PIGN: variants seen among roughly 807,000 people sequenced by gnomAD.
The protein encoded by PIGN is GPI ethanolamine phosphate transferase 1.
A neutral mutation model predicts 125.4 loss-of-function variants in PIGN; 117 were observed. That is an observed-to-expected ratio of 0.93 (90% CI 0.80 to 1.09). The LOEUF (loss-of-function observed/expected upper bound fraction) is 1.09, where lower values mean the gene tolerates loss of function less well. Ranked by LOEUF, PIGN falls within the 50% of genes least tolerant of loss-of-function variation. PIGN has a pLI of 0.00. For missense variants in PIGN, 1,075 were observed against 1,094.9 expected (o/e 0.98, Z 0.26); for synonymous variants, 392 against 377.8 (o/e 1.04, Z -0.44).
intron 14 of PIGN, among the ~76,000 whole-genome samples, chr18:62,125,543 C>A (rs1030410415): frequency 2.0e-5 from 3 of 151,902 alleles, no homozygotes; most frequent in Non-Finnish European, 4.4e-5. Flanking sequence ...CTGTATCACA[C>A]GATGGAACTG....
chr18:62,175,095 T>C (rs1016947915), intron 1 of PIGN, among the ~76,000 whole-genome samples: 1 of 144,968 alleles, frequency 6.9e-6, no homozygotes, highest in Admixed American at 7.1e-5. Context: ...ATCTAATATA[T>C]ATAATGTTTA....
intron 23 of PIGN, among the ~76,000 whole-genome samples, chr18:62,092,039 C>T (rs181745113): frequency 6.6e-5 from 10 of 152,062 alleles, no homozygotes; most frequent in Non-Finnish European, 1.3e-4. Flanking sequence ...ACTTTAAACG[C>T]TATTACAAAT....
At chr18:62,111,597 C>T (rs2034883543) in intron 16 of PIGN, among the ~76,000 whole-genome samples, 1 of 152,070 alleles carries the variant, frequency 6.6e-6, no homozygotes, top group South Asian at 2.1e-4. Context: ...CATCTCTTAC[C>T]TACTTTATTA....
At chr18:62,070,111 C>T (rs528928935) in intron 30 of PIGN, 17 of 268,984 alleles carry the variant, frequency 6.3e-5, no homozygotes, top group East Asian at 6.5e-5. Flanking sequence ...TACTTAAATG[C>T]TTTATATAAA....
intron 14 of PIGN, among the ~76,000 whole-genome samples, chr18:62,126,338 A>G (rs562562894): frequency 6.6e-6 from 1 of 152,266 alleles, no homozygotes; most frequent in Non-Finnish European, 1.5e-5. Flanking sequence ...TAAACACTAT[A>G]GTGTTTGCAA....
At chr18:62,134,004 T>C (rs1163099288) in intron 14 of PIGN, among the ~76,000 whole-genome samples, 1 of 152,206 alleles carries the variant, frequency 6.6e-6, no homozygotes, top group African/African-American at 2.4e-5. Context: ...GGGGGTACTT[T>C]TTGTTGACCC....
intron 1 of PIGN, among the ~76,000 whole-genome samples, chr18:62,173,333 C>G (rs1296430405): frequency 3.3e-5 from 5 of 152,168 alleles, no homozygotes; most frequent in Non-Finnish European, 7.3e-5. Flanking sequence ...GAGCCTCAGA[C>G]AATCCTCCCA....
Position 62,157,864 on chromosome 18 carries a change from T to A in PIGN, c.222-56A>T, listed in dbSNP as rs142324287. The A allele has an allele frequency of 2.7e-4, 408 of 1,483,642 alleles. 1 individual carries two copies. The African/African-American group carries it at 4.9e-3, about 18-fold the overall frequency. 91.9% of individuals were successfully genotyped at this position (1,483,642 alleles called of 1,614,324 possible). A position where few individuals can be genotyped will look rare whatever the true frequency, so the allele number is the denominator to read the frequency against. On this transcript the variant is annotated intron_variant, in intron 4 of 30. Transcript: ENST00000640252. Reference sequence around the variant, plus strand: ...CAGACTATGATTAGATACTCTCACATAAAGCTTTAGAAACATAAGATTATT... The same window carrying A: ...CAGACTATGATTAGATACTCTCACAAAAAGCTTTAGAAACATAAGATTATT...
chr18:62,154,391 T>C (rs2036645077), intron 7 of PIGN, 154 bp downstream of exon 7: 2 of 520,810 alleles, frequency 3.8e-6, no homozygotes, highest in African/African-American at 4.0e-5. Flanking sequence ...ATTTAGAATG[T>C]GTAATTTTTT....
At chr18:62,148,883 A>C (rs192884392) in intron 7 of PIGN, among the ~76,000 whole-genome samples, 2 of 152,242 alleles carry the variant, frequency 1.3e-5, no homozygotes, top group Non-Finnish European at 1.5e-5. Flanking sequence ...CAATTAATAA[A>C]ATATTACTTG....
At chr18:62,176,857 T>A (rs996359589) in intron 1 of PIGN, among the ~76,000 whole-genome samples, 1 of 152,118 alleles carries the variant, frequency 6.6e-6, no homozygotes, top group Non-Finnish European at 1.5e-5. Context: ...AATTATATGA[T>A]GTTTACATAA....
chr18:62,088,968 C>A (rs1049787712), intron 24 of PIGN, 126 bp from the exon 25 acceptor site: 4 of 583,640 alleles, frequency 6.9e-6, no homozygotes, highest in African/African-American at 5.7e-5. Flanking sequence ...AAAAAATAAA[C>A]AATAAACAAT....
intron 30 of PIGN, chr18:62,058,940 G>A (rs1395277797): frequency 6.6e-6 from 1 of 151,992 alleles, no homozygotes; most frequent in Non-Finnish European, 1.5e-5. Context: ...CTAACCCCAT[G>A]ACTTTGGGAG....
chr18:62,125,818 T>A (rs2035515131), intron 14 of PIGN, among the ~76,000 whole-genome samples: 1 of 152,088 alleles, frequency 6.6e-6, no homozygotes, highest in Non-Finnish European at 1.5e-5. Context: ...AATGGGATGT[T>A]AAAGTTATAA....
Position 62,167,255 on chromosome 18 carries a change from T to C in PIGN, c.-235-3599A>G, listed in dbSNP as rs189957884. On this transcript the variant is annotated intron_variant, in intron 1 of 30. Coordinates refer to ENST00000640252, the MANE Select transcript of PIGN (RefSeq NM_176787.5). ...CTCTCTATATATATATACACACACA[T>C]ATATATAGATAGAGATATATAGAGA... Among the ~76,000 whole-genome samples the C allele has an allele frequency of 6.0e-3, 774 of 129,124 alleles. 4 individuals carry two copies. Among genetic ancestry groups the C allele is most frequent in the African/African-American group, 0.019 (735 of 38,066 alleles). The allele number at this position is 129,124 out of a possible 152,430, so 84.7% of individuals were successfully genotyped here. A position where few individuals can be genotyped will look rare whatever the true frequency, so the allele number is the denominator to read the frequency against.
chr18:62,183,342 T>A (rs1426422017), intron 1 of PIGN, among the ~76,000 whole-genome samples: 1 of 152,188 alleles, frequency 6.6e-6, no homozygotes, highest in Non-Finnish European at 1.5e-5. Flanking sequence ...TTTTATAGAC[T>A]AGCCTCTGCC....
At chr18:62,114,857 C>T (rs961997937) in intron 14 of PIGN, among the ~76,000 whole-genome samples, 7 of 152,122 alleles carry the variant, frequency 4.6e-5, no homozygotes, top group Admixed American at 4.6e-4. Context: ...TTTCAAATGC[C>T]AAACTACACT....
chr18:62,134,253 C>T (rs1356301336), intron 14 of PIGN, among the ~76,000 whole-genome samples: 1 of 151,956 alleles, frequency 6.6e-6, no homozygotes, highest in South Asian at 2.1e-4. Flanking sequence ...ATTAGCTGGG[C>T]GTGGTGGCGT....
intron 29 of PIGN, among the ~76,000 whole-genome samples, chr18:62,074,302 TGA>T: frequency 6.6e-6 from 1 of 152,350 alleles, no homozygotes; most frequent in Middle Eastern, 3.4e-3. Flanking sequence ...TTTTTGTTAA[TGA>T]GAGAGGCCTA....
Sources: allele counts gnomAD v4.1 joint callset (sites outside exome capture counted in the v4.1 genomes callset), GRCh38; gene constraint gnomAD v4.1.1; transcripts MANE v1.5; gene names NCBI Gene and HGNC (gene_info 2026-07-23, HGNC 2026-07-21).